The following NPAS3 variants were observed in gnomAD, a reference collection of about 807,000 sequenced individuals.
NPAS3 encodes the protein neuronal PAS domain protein 3.
A neutral mutation model predicts 73.1 loss-of-function variants in NPAS3; 14 were observed. The observed-to-expected ratio is 0.19, with a 90% CI of 0.13 to 0.30. NPAS3 has a LOEUF of 0.30. Among genes scored for constraint, NPAS3 ranks in the 10% least tolerant of loss-of-function variants. The pLI is 1.00. For missense variants in NPAS3, 1,096 were observed against 1,250.0 expected (o/e 0.88, Z 1.86); for synonymous variants, 620 against 541.5 (o/e 1.14, Z -2.01).
chr14:33,187,413 T>C (rs2046016918), intron 2 of NPAS3, among the ~76,000 whole-genome samples: 1 of 152,232 alleles, frequency 6.6e-6, no homozygotes, highest in African/African-American at 2.4e-5. Context: ...AACTGGAAGA[T>C]TATTGTGCAT....
At chr14:33,285,969 C>T (rs548765418) in intron 3 of NPAS3, among the ~76,000 whole-genome samples, 1 of 152,198 alleles carries the variant, frequency 6.6e-6, no homozygotes, top group Non-Finnish European at 1.5e-5. Flanking sequence ...CTATCCTACC[C>T]TTAACCTTGT....
intron 6 of NPAS3, among the ~76,000 whole-genome samples, chr14:33,708,735 T>C (rs908466643): frequency 2.6e-5 from 4 of 152,096 alleles, no homozygotes; most frequent in Non-Finnish European, 5.9e-5. Context: ...ACGGGAAAAT[T>C]AAAAATAACC....
intron 2 of NPAS3, among the ~76,000 whole-genome samples, chr14:33,164,823 G>T (rs1269926035): frequency 2.0e-5 from 3 of 150,108 alleles, no homozygotes; most frequent in Non-Finnish European, 4.4e-5. Context: ...CTTCTCCTGT[G>T]TCAGCACAGG....
intron 3 of NPAS3, among the ~76,000 whole-genome samples, chr14:33,342,422 G>A (rs17095929): frequency 0.024 from 3,588 of 152,230 alleles, 138 homozygotes; most frequent in African/African-American, 0.081. Context: ...ATCTGTTCCT[G>A]GAGCAATGTC....
intron 3 of NPAS3, among the ~76,000 whole-genome samples, chr14:33,337,781 C>T (rs1358784199): frequency 6.6e-6 from 1 of 152,002 alleles, no homozygotes; most frequent in East Asian, 1.9e-4. Flanking sequence ...TGTCAGTGTA[C>T]ACACAGGTCT....
At chr14:33,789,032 T>C (rs1172513692) in intron 9 of NPAS3, among the ~76,000 whole-genome samples, 2 of 152,064 alleles carry the variant, frequency 1.3e-5, no homozygotes, top group African/African-American at 4.8e-5. Context: ...TCACATGTTC[T>C]GAAATGTAAG....
intron 2 of NPAS3, among the ~76,000 whole-genome samples, chr14:33,209,382 A>G (rs950191431): frequency 1.3e-5 from 2 of 152,166 alleles, no homozygotes; most frequent in Non-Finnish European, 2.9e-5. Context: ...ACTAAAAGTA[A>G]TGAAGGAAGG....
chr14:33,636,172 G>A (rs1335820138), intron 5 of NPAS3, among the ~76,000 whole-genome samples: 2 of 152,134 alleles, frequency 1.3e-5, no homozygotes, highest in Non-Finnish European at 2.9e-5. Flanking sequence ...CATCCGCCTC[G>A]GCCTCCCAAA....
At chr14:33,325,781 C>T (rs1332999570) in intron 3 of NPAS3, among the ~76,000 whole-genome samples, 1 of 150,940 alleles carries the variant, frequency 6.6e-6, no homozygotes, top group Admixed American at 6.6e-5. Flanking sequence ...CTGCCCCCAG[C>T]TCCTCACTAC....
At chr14:33,698,487 G>A (rs1483398311) in intron 6 of NPAS3, among the ~76,000 whole-genome samples, 1 of 152,150 alleles carries the variant, frequency 6.6e-6, no homozygotes, top group African/African-American at 2.4e-5. Context: ...GCCCTCAGAA[G>A]ATGCTCACAG....
rs559577303 is a variant in NPAS3, at chr14:33,568,463, G to A, written c.558+8253G>A. On this transcript the variant is annotated intron_variant, in intron 5 of 11. Transcript: ENST00000356141. ...TAAAGATAATTTCTGTCCATAATGC[G>A]GTGCTTATATGGGCAATATATGCAA... 2.8e-4 allele frequency among the ~76,000 whole-genome samples: 43 copies of A among 152,160 alleles called. 1 individual carries two copies. Among genetic ancestry groups the A allele is most frequent in the Non-Finnish European group, 4.7e-4 (32 of 68,010 alleles).
At chr14:33,446,212 A>C (rs540329310) in intron 4 of NPAS3, among the ~76,000 whole-genome samples, 2 of 124,756 alleles carry the variant, frequency 1.6e-5, no homozygotes, top group African/African-American at 6.1e-5. Context: ...TCTGTCGCCC[A>C]GGCCGGACTG....
chr14:33,489,697 A>G (rs1454593956), intron 4 of NPAS3, among the ~76,000 whole-genome samples: 1 of 152,176 alleles, frequency 6.6e-6, no homozygotes, highest in African/African-American at 2.4e-5. Context: ...GCAGATATGA[A>G]TGCTGCTGTT....
chr14:33,715,621 G>A (rs2060936553), intron 6 of NPAS3, among the ~76,000 whole-genome samples: 1 of 152,160 alleles, frequency 6.6e-6, no homozygotes, highest in Admixed American at 6.5e-5. Context: ...CACAGTGTAT[G>A]CTTAATTTGG....
intron 5 of NPAS3, among the ~76,000 whole-genome samples, chr14:33,590,395 G>C: frequency 6.6e-6 from 1 of 151,986 alleles, no homozygotes; most frequent in East Asian, 1.9e-4. Context: ...GTCCACATCT[G>C]GACACTGAGG....
intron 5 of NPAS3, among the ~76,000 whole-genome samples, chr14:33,636,025 G>A (rs1007625089): frequency 1.3e-5 from 2 of 152,108 alleles, no homozygotes; most frequent in South Asian, 2.1e-4. Flanking sequence ...GCCTCCCAGC[G>A]ATTCTCCTGC....
chr14:33,701,550 T>C (rs2060523469), intron 6 of NPAS3, among the ~76,000 whole-genome samples: 1 of 152,244 alleles, frequency 6.6e-6, no homozygotes, highest in African/African-American at 2.4e-5. Flanking sequence ...TTTTAGATCC[T>C]TGGCTTTTCA....
chr14:33,369,307 C>T (rs908787119), intron 4 of NPAS3, among the ~76,000 whole-genome samples: 2 of 143,746 alleles, frequency 1.4e-5, no homozygotes, highest in Admixed American at 7.3e-5. Context: ...AATCATATTA[C>T]GTGAAGAGTG....
intron 4 of NPAS3, among the ~76,000 whole-genome samples, chr14:33,498,775 G>C (rs1176605049): frequency 6.6e-6 from 1 of 151,960 alleles, no homozygotes; most frequent in Non-Finnish European, 1.5e-5. Flanking sequence ...CATGGCATGT[G>C]TATACCTATG....
Sources: gnomAD v4.1 joint callset for allele counts (sites outside exome capture counted in the v4.1 genomes callset) on GRCh38, gnomAD v4.1.1 for gene constraint, MANE v1.5 for transcripts, NCBI Gene and HGNC (gene_info 2026-07-23, HGNC 2026-07-21) for gene names.